MEIS2: variants seen among roughly 807,000 people sequenced by gnomAD.
MEIS2 encodes Meis homeobox 2.
A neutral mutation model predicts 58.6 loss-of-function variants in MEIS2; 9 were observed. The observed-to-expected ratio is 0.15, with a 90% CI of 0.09 to 0.27. The LOEUF (loss-of-function observed/expected upper bound fraction) is 0.27. MEIS2 is among the 10% of genes least tolerant of loss of function. MEIS2 has a pLI of 1.00. For synonymous variants in MEIS2, 221 were observed against 228.4 expected (o/e 0.97, Z 0.29); for missense variants, 427 against 635.0 (o/e 0.67, Z 3.52).
chr15:36,989,288 C>T (rs2141544262), intron 8 of MEIS2, among the ~76,000 whole-genome samples: 1 of 152,312 alleles, frequency 6.6e-6, no homozygotes, highest in South Asian at 2.1e-4. Context: ...TGTAAATTTT[C>T]AGCCCAGTGG....
chr15:37,058,614 G>A (rs1888773336), intron 7 of MEIS2, among the ~76,000 whole-genome samples: 1 of 152,208 alleles, frequency 6.6e-6, no homozygotes, highest in Non-Finnish European at 1.5e-5. Context: ...TCTTTCCTCA[G>A]TGGGCAACAA....
intron 8 of MEIS2, among the ~76,000 whole-genome samples, chr15:37,029,006 GA>G (rs1223562062): frequency 1.3e-5 from 2 of 152,128 alleles, no homozygotes; most frequent in African/African-American, 2.4e-5. Flanking sequence ...ATGTCCACGG[GA>G]AAATAAATCA....
intron 8 of MEIS2, among the ~76,000 whole-genome samples, chr15:37,035,073 A>C (rs1223300382): frequency 6.6e-6 from 1 of 152,158 alleles, no homozygotes; most frequent in Non-Finnish European, 1.5e-5. Context: ...ATTTTCGACC[A>C]AGAAAGACCA....
chr15:37,001,445 C>A (rs2141598054), intron 8 of MEIS2, among the ~76,000 whole-genome samples: 1 of 152,292 alleles, frequency 6.6e-6, no homozygotes, highest in African/African-American at 2.4e-5. Context: ...CATAAACCTA[C>A]TCCTGTTTTA....
At chr15:36,948,602 T>C (rs1595786669) in intron 9 of MEIS2, among the ~76,000 whole-genome samples, 1 of 152,012 alleles carries the variant, frequency 6.6e-6, no homozygotes, top group African/African-American at 2.4e-5. Context: ...TCTAAAGCAA[T>C]GTTAACTGCG....
chr15:36,897,378 CAT>C (rs948563440), intron 9 of MEIS2: 2 of 152,210 alleles, frequency 1.3e-5, no homozygotes, highest in African/African-American at 4.8e-5. Flanking sequence ...CTCAGGTACA[CAT>C]GTTTGATATT....
chr15:36,907,935 A>T (rs952159024), intron 9 of MEIS2, among the ~76,000 whole-genome samples: 2 of 151,784 alleles, frequency 1.3e-5, no homozygotes, highest in Non-Finnish European at 2.9e-5. Flanking sequence ...TGGGGAAAAA[A>T]AAATCAAAGA....
intron 8 of MEIS2, among the ~76,000 whole-genome samples, chr15:36,985,761 T>G (rs144770102): frequency 6.6e-6 from 1 of 152,268 alleles, no homozygotes; most frequent in East Asian, 1.9e-4. Context: ...GTCGGGAAAA[T>G]GATAATCTCT....
chr15:36,952,619 G>C (rs879411534), intron 8 of MEIS2, among the ~76,000 whole-genome samples: 2,348 of 149,844 alleles, frequency 0.016, 25 homozygotes, highest in East Asian at 0.035. Context: ...GTGTGTGTGT[G>C]TGTGTGTGTG....
rs1011128298 is a variant in MEIS2, at chr15:37,080,422, C to G, written c.754+3349G>C. ...TAACTCCCATCAGCGTTAATGGGAG[C>G]TACACAAACCCATCAATAATAATAA... On this transcript the variant is annotated intron_variant, in intron 7 of 11. Coordinates refer to ENST00000561208, the MANE Select transcript of MEIS2 (RefSeq NM_170675.5). Among the ~76,000 whole-genome samples, 7 of 152,102 alleles carry G rather than the reference C, an allele frequency of 4.6e-5. No homozygotes were observed. The South Asian group carries it at 1.4e-3, about 31-fold the overall frequency.
Position 36,890,023 on chromosome 15 carries a change from G to A in MEIS2, c.*2150C>T, listed in dbSNP as rs1175210124. ...CAAAACAATAGAAGTGTATTTCCTC[G>A]TTCATTTATATAGAACCTCCATAAA... On this transcript the variant is annotated 3_prime_UTR_variant, in exon 12 of 12. Transcript: ENST00000561208. The A allele has an allele frequency of 6.6e-6, 1 of 152,034 alleles. No individual in the cohort carries two copies. Among genetic ancestry groups the A allele is most frequent in the Non-Finnish European group, 1.5e-5 (1 of 67,982 alleles). The allele number at this position is 152,034 out of a possible 1,614,324, so 9.4% of individuals were successfully genotyped here. A position where few individuals can be genotyped will look rare whatever the true frequency, so the allele number is the denominator to read the frequency against.
chr15:36,981,651 T>C (rs2059931077), intron 8 of MEIS2, among the ~76,000 whole-genome samples: 1 of 152,136 alleles, frequency 6.6e-6, no homozygotes, highest in African/African-American at 2.4e-5. Context: ...TGGTTAATTC[T>C]AGGTGTCAAA....
At position 37,098,742 on chromosome 15, in the gene MEIS2, C is replaced by A. The variant is rs1894713717; in HGVS notation, c.13-543G>T. Reference sequence around the variant, plus strand: ...CACCCCTAACCCCCCTTCGCCTCCTCTGAGGATCCAATAAATCAAAAGGCG... The same window carrying A: ...CACCCCTAACCCCCCTTCGCCTCCTATGAGGATCCAATAAATCAAAAGGCG... On this transcript the variant is annotated intron_variant, in intron 1 of 11. Coordinates refer to ENST00000561208, the MANE Select transcript of MEIS2 (RefSeq NM_170675.5). Among the ~76,000 whole-genome samples the A allele has an allele frequency of 2.6e-5, 4 of 151,976 alleles. No individual in the cohort carries two copies. In the South Asian group the frequency reaches 8.3e-4, roughly 32 times the overall value.
intron 8 of MEIS2, among the ~76,000 whole-genome samples, chr15:37,021,491 G>A (rs752394864): frequency 2.6e-5 from 4 of 152,178 alleles, no homozygotes; most frequent in East Asian, 1.9e-4. Context: ...TATCTTGCCT[G>A]TCTCATTTCC....
rs1277211065 is a variant in MEIS2, at chr15:36,994,596, C to A, written c.900+42218G>T. 2.0e-5 allele frequency among the ~76,000 whole-genome samples: 3 copies of A among 152,182 alleles called. No homozygotes were observed. In the East Asian group the frequency reaches 5.8e-4, roughly 29 times the overall value. ...AGTTTGAAGTTGAAATAATTAGATC[C>A]TACATGGTTTTTCATGCAGCACATT... On this transcript the variant is annotated intron_variant, in intron 8 of 11. Transcript: ENST00000561208.
intron 8 of MEIS2, among the ~76,000 whole-genome samples, chr15:37,026,228 A>T (rs976149157): frequency 1.3e-5 from 2 of 152,186 alleles, no homozygotes; most frequent in Non-Finnish European, 2.9e-5. Context: ...TCTAGCATTC[A>T]TCTTTTCTAT....
In MEIS2 at chr15:37,093,680, C is replaced by T. The variant is rs149182994; in HGVS notation, c.540G>A (p.Lys180=). 4 of 1,614,048 alleles carry T rather than the reference C, an allele frequency of 2.5e-6. No individual in the cohort carries two copies. The African/African-American group carries it at 5.3e-5, about 22-fold the overall frequency. Residue 180 remains lysine, a synonymous_variant, in exon 6 of 12, where the codon AAG becomes AAA. Transcript: ENST00000561208. ...NFCHRYISCL[K]GKMPIDLVID... is the part of the protein sequence containing the mutation. ...TGACGAGGTCGATGGGCATTTTCCC[C>T]TTCAAACAGCTAATGTATCGGTGGC...
intron 9 of MEIS2, among the ~76,000 whole-genome samples, chr15:36,950,001 T>C (rs1452578298): frequency 2.0e-5 from 3 of 151,814 alleles, no homozygotes; most frequent in Non-Finnish European, 4.4e-5. Flanking sequence ...TCAATAGGAA[T>C]GACCTGAACA....
At chr15:36,931,431 T>C (rs1443991939) in intron 9 of MEIS2, among the ~76,000 whole-genome samples, 1 of 152,220 alleles carries the variant, frequency 6.6e-6, no homozygotes, top group African/African-American at 2.4e-5. Context: ...TTTTGTGTTG[T>C]AACTTTTAAA....
Sources: allele counts gnomAD v4.1 joint callset (sites outside exome capture counted in the v4.1 genomes callset), GRCh38; gene constraint gnomAD v4.1.1; transcripts MANE v1.5; gene names NCBI Gene and HGNC (gene_info 2026-07-23, HGNC 2026-07-21).